Variants in KIF20B observed in about 807,000 individuals in gnomAD.
KIF20B encodes kinesin family member 20B.
A neutral mutation model predicts 232.5 loss-of-function variants in KIF20B; 188 were observed. That is an observed-to-expected ratio of 0.81 (90% CI 0.72 to 0.91). The LOEUF (loss-of-function observed/expected upper bound fraction) is 0.91. Ranked by LOEUF, KIF20B falls within the 40% of genes least tolerant of loss-of-function variation. The probability of loss-of-function intolerance (pLI) is 0.00; values close to 1 mark genes in which losing one functional copy is unlikely to be tolerated. For synonymous variants in KIF20B, 712 were observed against 683.0 expected (o/e 1.04, Z -0.66); for missense variants, 2,154 against 2,055.9 (o/e 1.05, Z -0.92).
chr10:89,719,344 T>C, intron 12 of KIF20B, 75 bp from the exon 13 acceptor site: 1 of 1,103,706 alleles, frequency 9.1e-7, no homozygotes, highest in Non-Finnish European at 1.3e-6. Flanking sequence ...TTGACTTAAA[T>C]TTATAAAATA....
intron 18 of KIF20B, among the ~76,000 whole-genome samples, chr10:89,731,601 C>A (rs2133117345): frequency 6.6e-6 from 1 of 152,286 alleles, no homozygotes; most frequent in African/African-American, 2.4e-5. Context: ...GAGCAGAAAA[C>A]CCTCCTTTCA....
In KIF20B at chr10:89,774,281, G is replaced by C. The variant is rs1842524945; in HGVS notation, c.*233G>C. On this transcript the variant is annotated 3_prime_UTR_variant, in exon 33 of 33. Coordinates refer to ENST00000371728, the MANE Select transcript of KIF20B (RefSeq NM_001284259.2). ...TATTTCCCTATTATCTCAGACATTGGATCAGTGAAGATCCTAGGAAAGAGG... is the reference window on the plus strand; with the variant it reads ...TATTTCCCTATTATCTCAGACATTGCATCAGTGAAGATCCTAGGAAAGAGG... 3 of 281,854 alleles carry C rather than the reference G, an allele frequency of 1.1e-5. No individual in the cohort carries two copies. In the Admixed American group the frequency reaches 1.6e-4, roughly 15 times the overall value. 17.5% of individuals were successfully genotyped at this position (281,854 alleles called of 1,614,324 possible). A position where few individuals can be genotyped will look rare whatever the true frequency, so the allele number is the denominator to read the frequency against.
In KIF20B at chr10:89,757,025, T is replaced by C. The variant is rs549279591; in HGVS notation, c.4504-1681T>C. On this transcript the variant is annotated intron_variant, in intron 26 of 32. Transcript: ENST00000371728. ...TGCACATTTGCATATATCTCTGTTG[T>C]GTGTGTGTGTGTGTGTATATATATA... Among the ~76,000 whole-genome samples, 6 of 97,162 alleles carry C rather than the reference T, an allele frequency of 6.2e-5. No homozygotes were observed. In the East Asian group the frequency reaches 3.7e-3, roughly 60 times the overall value. The allele number at this position is 97,162 out of a possible 152,430, so 63.7% of individuals were successfully genotyped here.
intron 29 of KIF20B, among the ~76,000 whole-genome samples, chr10:89,765,910 C>T (rs922354044): frequency 2.6e-5 from 4 of 152,106 alleles, no homozygotes; most frequent in African/African-American, 9.7e-5. Flanking sequence ...GGTAACCCGA[C>T]CTTTCTCTTT....
intron 1 of KIF20B, among the ~76,000 whole-genome samples, chr10:89,702,145 A>G (rs1463800907): frequency 6.6e-6 from 1 of 152,156 alleles, no homozygotes; most frequent in African/African-American, 2.4e-5. Context: ...TGCCACACCT[A>G]GTTTTCTGAA....
chr10:89,703,908 A>G (rs1024859609), intron 1 of KIF20B, among the ~76,000 whole-genome samples: 1 of 151,988 alleles, frequency 6.6e-6, no homozygotes, highest in Non-Finnish European at 1.5e-5. Flanking sequence ...GCATGCCACC[A>G]CACCCGGCTA....
At chr10:89,721,231 A>G (rs1056184428) in intron 13 of KIF20B, among the ~76,000 whole-genome samples, 1 of 152,218 alleles carries the variant, frequency 6.6e-6, no homozygotes, top group Admixed American at 6.5e-5. Flanking sequence ...CCTGAAAGCA[A>G]TTATTGAACA....
At chr10:89,755,767 T>G (rs1205950495) in intron 26 of KIF20B, among the ~76,000 whole-genome samples, 10 of 151,980 alleles carry the variant, frequency 6.6e-5, no homozygotes, top group Non-Finnish European at 1.5e-4. Context: ...GTAAATCTTT[T>G]ATTTTTTGTA....
At chr10:89,711,242 G>A (rs1589851821) in intron 6 of KIF20B, 97 bp downstream of exon 6, 1 of 717,224 alleles carries the variant, frequency 1.4e-6, no homozygotes, top group South Asian at 4.3e-5. Flanking sequence ...GGTTTGTGGT[G>A]GTAGTGTTTT....
At chr10:89,704,351 G>A (rs768726936) in intron 1 of KIF20B, among the ~76,000 whole-genome samples, 2 of 152,036 alleles carry the variant, frequency 1.3e-5, no homozygotes, top group Non-Finnish European at 2.9e-5. Context: ...TAGAATGTTA[G>A]TATTTTTTAG....
Position 89,734,496 on chromosome 10 carries a change from A to G in KIF20B, c.2545+1440A>G, listed in dbSNP as rs1346520947. Among the ~76,000 whole-genome samples the G allele has an allele frequency of 3.3e-5, 5 of 152,156 alleles. No homozygotes were observed. The East Asian group carries it at 9.6e-4, about 29-fold the overall frequency. ...ACATAAGTTTTTTCTTCTCCACATT[A>G]TGGTAGTACCTGAGGGACCTTTCAT... On this transcript the variant is annotated intron_variant, in intron 19 of 32. Coordinates refer to ENST00000371728, the MANE Select transcript of KIF20B (RefSeq NM_001284259.2).
intron 29 of KIF20B, chr10:89,766,595 A>C (rs1240017660): frequency 1.3e-5 from 2 of 152,098 alleles, no homozygotes; most frequent in Non-Finnish European, 2.9e-5. Context: ...CTTATTTTTA[A>C]AGTAACTTGT....
chr10:89,703,994 A>C (rs34692063), intron 1 of KIF20B, among the ~76,000 whole-genome samples: 28,131 of 151,940 alleles, frequency 0.19, 3,142 homozygotes, highest in East Asian at 0.35. Context: ...CTCGTGATCC[A>C]CCCACCTCGG....
chr10:89,757,067 T>TATATATATATATATATATATAC (rs1842143769), intron 26 of KIF20B, among the ~76,000 whole-genome samples: 1 of 132,054 alleles, frequency 7.6e-6, no homozygotes, highest in Non-Finnish European at 1.6e-5. Context: ...TATATATATA[T>TATATATATATATATATATATAC]ATACACACAT....
intron 26 of KIF20B, among the ~76,000 whole-genome samples, chr10:89,756,889 A>G (rs917235361): frequency 6.6e-6 from 1 of 152,050 alleles, no homozygotes; most frequent in Non-Finnish European, 1.5e-5. Context: ...ATTTAAGTGT[A>G]TGAATAAACC....
At chr10:89,731,612 A>G (rs887382400) in intron 18 of KIF20B, among the ~76,000 whole-genome samples, 2 of 152,182 alleles carry the variant, frequency 1.3e-5, no homozygotes, top group African/African-American at 4.8e-5. Context: ...CCTCCTTTCA[A>G]TAACTATAAC....
intron 26 of KIF20B, among the ~76,000 whole-genome samples, chr10:89,757,306 A>G (rs1346077538): frequency 6.6e-6 from 1 of 151,778 alleles, no homozygotes; most frequent in Non-Finnish European, 1.5e-5. Context: ...TGCCTATACA[A>G]GTTCCCTTAC....
intron 2 of KIF20B, among the ~76,000 whole-genome samples, chr10:89,706,231 A>G (rs1842720276): frequency 6.6e-6 from 1 of 152,076 alleles, no homozygotes; most frequent in Non-Finnish European, 1.5e-5. Context: ...GCCCTTTCTA[A>G]TGAGCACTCT....
intron 2 of KIF20B, among the ~76,000 whole-genome samples, chr10:89,707,217 G>A (rs765091278): frequency 6.6e-6 from 1 of 152,002 alleles, no homozygotes; most frequent in Non-Finnish European, 1.5e-5. Flanking sequence ...TTTTAGATAC[G>A]CAGTTTGATA....
Sources: allele counts gnomAD v4.1 joint callset (sites outside exome capture counted in the v4.1 genomes callset), GRCh38; gene constraint gnomAD v4.1.1; transcripts MANE v1.5; gene names NCBI Gene and HGNC (gene_info 2026-07-23, HGNC 2026-07-21).